Variants in LUZP2 observed in about 807,000 individuals in gnomAD.
The protein encoded by LUZP2 is leucine zipper protein 2.
Under a neutral mutation model 51.6 loss-of-function variants are expected in LUZP2, and 52 were observed. The ratio of observed to expected loss-of-function variants is 1.01; its 90% CI spans 0.81 to 1.27. The LOEUF (loss-of-function observed/expected upper bound fraction) is 1.27, where lower values mean the gene tolerates loss of function less well. LUZP2 is among the 50% of genes most tolerant of loss of function. The pLI, the probability that LUZP2 is intolerant of heterozygous loss-of-function variation, is 0.00. For synonymous variants in LUZP2, 154 were observed against 137.3 expected, an observed-to-expected ratio of 1.12 and a Z score of -0.85; for missense variants, 436 against 395.4, an observed-to-expected ratio of 1.10 and a Z score of -0.87.
chr11:25,014,172 C>G (rs1252871736), intron 9 of LUZP2, among the ~76,000 whole-genome samples: 4 of 152,128 alleles, frequency 2.6e-5, no homozygotes, highest in African/African-American at 4.8e-5. Flanking sequence ...GGGTTGGTTC[C>G]AAGTCTTTGC....
rs114292646 is a variant in LUZP2, at chr11:24,846,763, C to T, written c.397-59228C>T. On this transcript the variant is annotated intron_variant, in intron 5 of 11. Coordinates refer to ENST00000336930, the MANE Select transcript of LUZP2 (RefSeq NM_001009909.4). Reference sequence around the variant, plus strand: ...TATTTCTATTGCAGCTACAATAATCCGCAGTTATTTGACAGTTCATCACAT... The same window carrying T: ...TATTTCTATTGCAGCTACAATAATCTGCAGTTATTTGACAGTTCATCACAT... 3.7e-3 allele frequency among the ~76,000 whole-genome samples: 563 copies of T among 152,014 alleles called. 2 individuals carry two copies. The highest frequency in any genetic ancestry group is 0.013 in the African/African-American group (538 of 41,506).
At chr11:24,927,740 T>C (rs1339754810) in intron 7 of LUZP2, among the ~76,000 whole-genome samples, 1 of 152,038 alleles carries the variant, frequency 6.6e-6, no homozygotes, top group Non-Finnish European at 1.5e-5. Context: ...TGGTTCCATA[T>C]AAATTTTAGA....
At chr11:25,011,870 T>TAAA in intron 9 of LUZP2, among the ~76,000 whole-genome samples, 1 of 151,792 alleles carries the variant, frequency 6.6e-6, no homozygotes, top group African/African-American at 2.4e-5. Flanking sequence ...AGAGAGAGAA[T>TAAA]ATATATGTTT....
intron 1 of LUZP2, among the ~76,000 whole-genome samples, chr11:24,629,004 A>T (rs1854783793): frequency 6.6e-6 from 1 of 152,164 alleles, no homozygotes; most frequent in African/African-American, 2.4e-5. Flanking sequence ...TATTATATAT[A>T]AAAAAGCAAT....
intron 9 of LUZP2, among the ~76,000 whole-genome samples, chr11:25,029,181 G>A (rs1243159679): frequency 6.6e-6 from 1 of 151,944 alleles, no homozygotes; most frequent in Non-Finnish European, 1.5e-5. Flanking sequence ...AGCACAAGAG[G>A]GTGACTATAC....
chr11:24,745,440 G>A (rs1859344251), intron 4 of LUZP2, among the ~76,000 whole-genome samples: 1 of 152,040 alleles, frequency 6.6e-6, no homozygotes, highest in Non-Finnish European at 1.5e-5. Context: ...GTTGGACAAG[G>A]CCTTTTACCA....
intron 1 of LUZP2, among the ~76,000 whole-genome samples, chr11:24,699,701 A>AT: frequency 9.8e-6 from 1 of 102,488 alleles, no homozygotes. Context: ...ACACACACAC[A>AT]CGCACACATC....
At chr11:24,667,078 T>C in intron 1 of LUZP2, among the ~76,000 whole-genome samples, 1 of 152,174 alleles carries the variant, frequency 6.6e-6, no homozygotes, top group Non-Finnish European at 1.5e-5. Flanking sequence ...CAGTGATATA[T>C]ACATATTAAG....
chr11:24,531,970 C>G (rs1851015163), intron 1 of LUZP2, among the ~76,000 whole-genome samples: 1 of 150,892 alleles, frequency 6.6e-6, no homozygotes, highest in African/African-American at 2.4e-5. Flanking sequence ...ACTGCTACCA[C>G]CGTAATCCAA....
chr11:24,808,392 A>T (rs1849916076), intron 5 of LUZP2, among the ~76,000 whole-genome samples: 1 of 152,184 alleles, frequency 6.6e-6, no homozygotes. Flanking sequence ...GGCAAATTCC[A>T]ATACTTACAC....
intron 5 of LUZP2, among the ~76,000 whole-genome samples, chr11:24,873,044 T>C (rs1214244859): frequency 1.3e-5 from 2 of 152,202 alleles, no homozygotes; most frequent in African/African-American, 4.8e-5. Context: ...TCTTGTCTAA[T>C]CAGCAATGTA....
At chr11:24,621,179 T>G (rs547324478) in intron 1 of LUZP2, among the ~76,000 whole-genome samples, 2 of 152,348 alleles carry the variant, frequency 1.3e-5, no homozygotes, top group East Asian at 3.9e-4. Context: ...TAAGCAAAAT[T>G]AGTGCATTGA....
chr11:25,011,529 A>G (rs1856983848), intron 9 of LUZP2, among the ~76,000 whole-genome samples: 1 of 152,172 alleles, frequency 6.6e-6, no homozygotes, highest in African/African-American at 2.4e-5. Flanking sequence ...AAAAGCGAAC[A>G]TAAGGTTCAG....
At chr11:24,918,288 T>A (rs1298981567) in intron 7 of LUZP2, among the ~76,000 whole-genome samples, 1 of 152,062 alleles carries the variant, frequency 6.6e-6, no homozygotes, top group East Asian at 1.9e-4. Context: ...CAAAGAGGGA[T>A]AATTTGACTT....
At chr11:25,034,994 T>C (rs1352680595) in intron 9 of LUZP2, among the ~76,000 whole-genome samples, 1 of 152,054 alleles carries the variant, frequency 6.6e-6, no homozygotes, top group African/African-American at 2.4e-5. Flanking sequence ...CATTCTTTTG[T>C]CATAAAAACC....
intron 1 of LUZP2, among the ~76,000 whole-genome samples, chr11:24,602,421 T>A (rs1167981585): frequency 1.9e-5 from 2 of 106,836 alleles, no homozygotes; most frequent in African/African-American, 3.4e-5. Flanking sequence ...CACACATACA[T>A]CCCTATAAAT....
intron 1 of LUZP2, among the ~76,000 whole-genome samples, chr11:24,571,191 AGAG>A (rs1298628943): frequency 6.6e-6 from 1 of 152,114 alleles, no homozygotes; most frequent in Admixed American, 6.6e-5. Context: ...CTGGTGATGC[AGAG>A]GAGATGAAAG....
chr11:24,607,265 G>C (rs1232249144), intron 1 of LUZP2, among the ~76,000 whole-genome samples: 1 of 145,666 alleles, frequency 6.9e-6, no homozygotes, highest in Non-Finnish European at 1.5e-5. Flanking sequence ...TTATTTTATA[G>C]CTCCATGTCT....
At chr11:24,609,090 G>C (rs1854031489) in intron 1 of LUZP2, among the ~76,000 whole-genome samples, 1 of 152,062 alleles carries the variant, frequency 6.6e-6, no homozygotes, top group Non-Finnish European at 1.5e-5. Flanking sequence ...TGGACTTGTA[G>C]GTTGGAAACT....
Sources: allele counts gnomAD v4.1 joint callset (sites outside exome capture counted in the v4.1 genomes callset), GRCh38; gene constraint gnomAD v4.1.1; transcripts MANE v1.5; gene names NCBI Gene and HGNC (gene_info 2026-07-23, HGNC 2026-07-21).